DUSP22: variants seen among roughly 807,000 people sequenced by gnomAD.
The protein encoded by DUSP22 is dual specificity phosphatase 22.
In DUSP22, 24 loss-of-function variants were observed where a neutral mutation model predicts 24.5. The observed-to-expected ratio is 0.98, with a 90% CI of 0.71 to 1.38. The LOEUF is 1.38. Ranked by LOEUF, DUSP22 falls within the 40% of genes most tolerant of loss-of-function variation. The probability of loss-of-function intolerance (pLI) is 0.00; values close to 1 mark genes in which losing one functional copy is unlikely to be tolerated. For synonymous variants in DUSP22, 160 were observed against 106.4 expected (o/e 1.50, Z -3.10); for missense variants, 330 against 269.2 (o/e 1.23, Z -1.58).
chr6:299,762 C>T (rs965968527), intron 1 of DUSP22, among the ~76,000 whole-genome samples: 18 of 152,298 alleles, frequency 1.2e-4, no homozygotes, highest in Non-Finnish European at 2.2e-4. Context: ...CTTGCCAGCA[C>T]GCTGCTGCAG....
At chr6:336,142 G>C (rs1255969631) in intron 4 of DUSP22, among the ~76,000 whole-genome samples, 1 of 152,302 alleles carries the variant, frequency 6.6e-6, no homozygotes, top group Admixed American at 6.5e-5. Context: ...CATCTGACTT[G>C]TGCAGGCTGA....
At chr6:312,933 G>A (rs151240845) in intron 3 of DUSP22, among the ~76,000 whole-genome samples, 181 of 152,212 alleles carry the variant, frequency 1.2e-3, no homozygotes, top group Non-Finnish European at 2.1e-3. Flanking sequence ...CCAGATCTCC[G>A]AGCTCCTACT....
intron 3 of DUSP22, among the ~76,000 whole-genome samples, chr6:332,302 G>C (rs1759174891): frequency 6.6e-6 from 1 of 152,308 alleles, no homozygotes; most frequent in Admixed American, 6.5e-5. Flanking sequence ...CTCTTCAGAG[G>C]ATTCACAGAT....
At chr6:345,714 C>T (rs573002545) in intron 4 of DUSP22, 140 bp from the exon 5 acceptor site, 1 of 1,002,508 alleles carries the variant, frequency 1.0e-6, no homozygotes, top group Admixed American at 2.4e-5. Flanking sequence ...ACACTGTAGC[C>T]CATAAATATG....
Position 349,963 on chromosome 6 carries a change from T to C in DUSP22, c.*1012T>C, listed in dbSNP as rs1282257763. The C allele has an allele frequency of 7.5e-5, 74 of 985,738 alleles. No individual in the cohort carries two copies. The highest frequency in any genetic ancestry group is 8.8e-5 in the Non-Finnish European group (73 of 830,032). The allele number at this position is 985,738 out of a possible 1,614,324, so 61.1% of individuals were successfully genotyped here. A position where few individuals can be genotyped will look rare whatever the true frequency, so the allele number is the denominator to read the frequency against. ...CTTTGCAGGGGCTCCTCCTCAACAT[T>C]TGCATGCACCTGCAAGAATTGGGAA... On this transcript the variant is annotated 3_prime_UTR_variant, in exon 7 of 7. Coordinates refer to ENST00000419235, the MANE Select transcript of DUSP22 (RefSeq NM_001286555.3).
At position 349,346 on chromosome 6, in the gene DUSP22, G is replaced by C; in HGVS notation, c.*395G>C. On this transcript the variant is annotated 3_prime_UTR_variant, in exon 7 of 7. Transcript: ENST00000419235. ...TGTGCACATGAATGTTTGTGTGTGTGTGAACTCTTTCTTACTGCTGGAAGT... is the reference window on the plus strand; with the variant it reads ...TGTGCACATGAATGTTTGTGTGTGTCTGAACTCTTTCTTACTGCTGGAAGT... 9.5e-7 allele frequency: 1 copy of C among 1,049,372 alleles called. No individual in the cohort carries two copies. Among genetic ancestry groups the C allele is most frequent in the Non-Finnish European group, 1.1e-6 (1 of 870,236 alleles). 65.0% of individuals were successfully genotyped at this position (1,049,372 alleles called of 1,614,324 possible).
At chr6:331,384 T>C (rs1561671068) in intron 3 of DUSP22, among the ~76,000 whole-genome samples, 1 of 152,312 alleles carries the variant, frequency 6.6e-6, no homozygotes, top group African/African-American at 2.4e-5. Flanking sequence ...ATTGCTGTTA[T>C]CTTCATTACT....
At chr6:342,876 G>A (rs527815679) in intron 4 of DUSP22, among the ~76,000 whole-genome samples, 32 of 152,420 alleles carry the variant, frequency 2.1e-4, no homozygotes, top group East Asian at 1.2e-3. Context: ...AAATCAGTGC[G>A]GCTGACATGT....
At chr6:321,020 G>T (rs1417474520) in intron 3 of DUSP22, among the ~76,000 whole-genome samples, 1 of 152,310 alleles carries the variant, frequency 6.6e-6, no homozygotes, top group Non-Finnish European at 1.5e-5. Flanking sequence ...AGGGCCCTGG[G>T]CACCCAGGGG....
intron 1 of DUSP22, among the ~76,000 whole-genome samples, chr6:293,138 A>G (rs1489899332): frequency 6.6e-6 from 1 of 152,306 alleles, no homozygotes; most frequent in Non-Finnish European, 1.5e-5. Context: ...GACTTCTGCA[A>G]CAAGGGCAAC....
chr6:310,282 A>G (rs956533579), intron 2 of DUSP22, among the ~76,000 whole-genome samples: 2 of 152,286 alleles, frequency 1.3e-5, no homozygotes, highest in Admixed American at 6.5e-5. Flanking sequence ...CTTCTGATCC[A>G]TTTCTCCTGT....
chr6:307,501 G>T (rs150644587), intron 2 of DUSP22, among the ~76,000 whole-genome samples: 2,736 of 151,468 alleles, frequency 0.018, no homozygotes, highest in Middle Eastern at 0.055. Flanking sequence ...TCTGGAGCCC[G>T]GTCTTTGGGT....
At chr6:346,965 T>G (rs1233828581) in intron 5 of DUSP22, among the ~76,000 whole-genome samples, 3 of 152,310 alleles carry the variant, frequency 2.0e-5, no homozygotes, top group Non-Finnish European at 4.4e-5. Flanking sequence ...TAGAATGGTG[T>G]CTGCAGTTTC....
Position 345,881 on chromosome 6 carries a change from A to G in DUSP22, c.216A>G (p.Lys72=). 6.2e-7 allele frequency: 1 copy of G among 1,614,276 alleles called. No homozygotes were observed. The highest frequency in any genetic ancestry group is 1.1e-5 in the South Asian group (1 of 91,088). Residue 72 remains lysine (K), a synonymous_variant, in exon 5 of 7, where the codon AAA becomes AAG. Transcript: ENST00000419235. Reference sequence around the variant, plus strand: ...CAAGACATTTCAAAGAAAGTATTAAATTCATTCACGAGTGCCGGCTCCGCG... The same window carrying G: ...CAAGACATTTCAAAGAAAGTATTAAGTTCATTCACGAGTGCCGGCTCCGCG... ...NLTRHFKESI[K]FIHECRLRGE... is the part of the protein sequence containing the mutation.
rs564515265 is a variant in DUSP22, at chr6:342,893, C to T, written c.189-2961C>T. Among the ~76,000 whole-genome samples, 9 of 152,426 alleles carry T rather than the reference C, an allele frequency of 5.9e-5. No individual in the cohort carries two copies. In the South Asian group the frequency reaches 8.3e-4, roughly 14 times the overall value. ...ATCAGTGCGGCTGACATGTCTTGTC[C>T]GGTTCCATTATCTCCAGGCCAGCAG... On this transcript the variant is annotated intron_variant, in intron 4 of 6. Coordinates refer to ENST00000419235, the MANE Select transcript of DUSP22 (RefSeq NM_001286555.3).
At chr6:307,354 C>T (rs1757857748) in intron 2 of DUSP22, among the ~76,000 whole-genome samples, 1 of 152,298 alleles carries the variant, frequency 6.6e-6, no homozygotes, top group Non-Finnish European at 1.5e-5. Flanking sequence ...TCTCCTCTTC[C>T]CTCCTTCCTT....
intron 4 of DUSP22, among the ~76,000 whole-genome samples, chr6:335,444 T>C (rs1464540954): frequency 6.6e-6 from 1 of 152,304 alleles, no homozygotes; most frequent in Non-Finnish European, 1.5e-5. Context: ...CTTAAACCTT[T>C]AGTATGCTCA....
At chr6:322,730 T>C (rs888989206) in intron 3 of DUSP22, among the ~76,000 whole-genome samples, 1 of 151,386 alleles carries the variant, frequency 6.6e-6, no homozygotes, top group Non-Finnish European at 1.5e-5. Flanking sequence ...CAGCACCGTG[T>C]GTGGCTGGCT....
chr6:328,228 A>G (rs998931552), intron 3 of DUSP22, among the ~76,000 whole-genome samples: 1 of 152,308 alleles, frequency 6.6e-6, no homozygotes, highest in Non-Finnish European at 1.5e-5. Context: ...CCCAGTTTTC[A>G]TGAGTCACAA....
Sources: gnomAD v4.1 joint callset for allele counts (sites outside exome capture counted in the v4.1 genomes callset) on GRCh38, gnomAD v4.1.1 for gene constraint, MANE v1.5 for transcripts, NCBI Gene and HGNC (gene_info 2026-07-23, HGNC 2026-07-21) for gene names.